Variants in COL5A1 observed in about 807,000 individuals in gnomAD.
The protein encoded by COL5A1 is collagen type V alpha 1 chain.
In COL5A1, 16 loss-of-function variants were observed where a neutral mutation model predicts 263.7. The observed-to-expected ratio is 0.06, with a 90% CI of 0.04 to 0.09. COL5A1 has a LOEUF of 0.09. COL5A1 is among the 10% of genes least tolerant of loss of function. The probability of loss-of-function intolerance (pLI) is 1.00; values close to 1 mark genes in which losing one functional copy is unlikely to be tolerated. For missense variants in COL5A1, 2,036 were observed against 2,540.5 expected (o/e 0.80, Z 4.27); for synonymous variants, 1,012 against 1,004.5 (o/e 1.01, Z -0.14).
In COL5A1 at chr9:134,703,185, G is replaced by A. The variant is rs1256914436; in HGVS notation, c.654+1852G>A. Among the ~76,000 whole-genome samples, 6 of 152,222 alleles carry A rather than the reference G, an allele frequency of 3.9e-5. No homozygotes were observed. In the South Asian group the frequency reaches 8.3e-4, roughly 21 times the overall value. ...CCAGGAAGCTGTAGCCTGGGGCTTC[G>A]GTAGAGCAGGGCGGGTGCTTGGATC... On this transcript the variant is annotated intron_variant, in intron 4 of 65. Transcript: ENST00000371817.
chr9:134,830,391 T>C (rs1839561054), intron 64 of COL5A1: 1 of 608,884 alleles, frequency 1.6e-6, no homozygotes, highest in African/African-American at 1.9e-5. Context: ...AGTAGGCAGA[T>C]GGTTTTCCGT....
intron 62 of COL5A1, among the ~76,000 whole-genome samples, chr9:134,825,292 C>T (rs1425586836): frequency 6.6e-6 from 1 of 152,196 alleles, no homozygotes; most frequent in Admixed American, 6.5e-5. Flanking sequence ...AAACGGCCTT[C>T]AAACTCCGCG....
At chr9:134,747,956 C>T (rs1194873774) in intron 11 of COL5A1, among the ~76,000 whole-genome samples, 4 of 111,778 alleles carry the variant, frequency 3.6e-5, no homozygotes, top group African/African-American at 9.3e-5. Context: ...CACATGCAGA[C>T]ACATGCACAC....
intron 1 of COL5A1, among the ~76,000 whole-genome samples, chr9:134,654,762 G>A (rs1831877321): frequency 6.9e-6 from 1 of 145,960 alleles, no homozygotes. Context: ...GGTGTGTGTA[G>A]GGCTTGTGGT....
At chr9:134,806,352 C>G (rs1254813428) in intron 42 of COL5A1, 56 bp downstream of exon 42, 1 of 1,280,970 alleles carries the variant, frequency 7.8e-7, no homozygotes, top group Non-Finnish European at 1.1e-6. Flanking sequence ...GGGGTCGTTC[C>G]GTGTCTGGCC....
intron 6 of COL5A1, among the ~76,000 whole-genome samples, 178 bp downstream of exon 6, chr9:134,728,985 G>A (rs1564415499): frequency 6.6e-6 from 1 of 152,232 alleles, no homozygotes; most frequent in Admixed American, 6.5e-5. Context: ...GTCACGGGGC[G>A]TATCGGGCTT....
At chr9:134,747,744 C>G (rs574506264) in intron 11 of COL5A1, among the ~76,000 whole-genome samples, 4 of 151,246 alleles carry the variant, frequency 2.6e-5, no homozygotes, top group African/African-American at 9.8e-5. Context: ...CACATGCAAA[C>G]ACATGCACAC....
intron 11 of COL5A1, among the ~76,000 whole-genome samples, chr9:134,747,978 CACACATGCATTCACACACACAT>C (rs1249107340): frequency 6.6e-5 from 10 of 151,980 alleles, no homozygotes; most frequent in Non-Finnish European, 5.9e-5. Flanking sequence ...TGCATTCACA[CACACATGCATTCACACACACAT>C]ACACATGCAT....
In COL5A1 at chr9:134,805,143, C is replaced by A. The variant is rs199557977; in HGVS notation, c.3205-18C>A. ...CTCTCCCCACGTGCCCTTGACCAAC[C>A]TTTTCATGGCTTTGCAGGGAGCTCT... On this transcript the variant is annotated intron_variant, in intron 40 of 65. Transcript: ENST00000371817. 8.1e-6 allele frequency: 13 copies of A among 1,613,912 alleles called. No homozygotes were observed. In the African/African-American group the frequency reaches 1.3e-4, roughly 17 times the overall value.
intron 1 of COL5A1, among the ~76,000 whole-genome samples, chr9:134,670,831 GGTGATGGAGTGGACA>G (rs1832518842): frequency 6.6e-6 from 1 of 152,186 alleles, no homozygotes; most frequent in Non-Finnish European, 1.5e-5. Flanking sequence ...TCCCCACTGC[GGTGATGGAGTGGACA>G]GCTCTGTCTG....
Position 134,794,322 on chromosome 9 carries a change from TAAAAA to T in COL5A1, c.2701-749_2701-745del, listed in dbSNP as rs59916977. 7.1e-6 allele frequency among the ~76,000 whole-genome samples: 1 copy of T among 140,870 alleles called. No individual in the cohort carries two copies. Among genetic ancestry groups the T allele is most frequent in the African/African-American group, 2.6e-5 (1 of 38,044 alleles). 92.4% of individuals were successfully genotyped at this position (140,870 alleles called of 152,430 possible). On this transcript the variant is annotated intron_variant, in intron 32 of 65. Coordinates refer to ENST00000371817, the MANE Select transcript of COL5A1 (RefSeq NM_000093.5). The surrounding 1 kb of genome is among the most constrained non-coding windows in gnomAD (Gnocchi z 4.3). ...CCTGGCGGCAGAGCAAGACTCTGTC[TAAAAA>T]AAAAAAAAAAGAAACAAAAAAGAAA...
At chr9:134,835,262 TC>T in intron 65 of COL5A1, 58 bp downstream of exon 65, 1 of 1,478,934 alleles carries the variant, frequency 6.8e-7, no homozygotes, top group Non-Finnish European at 9.3e-7. Flanking sequence ...GGCTCGCTCC[TC>T]ACTCAGCACG....
chr9:134,762,758 G>A (rs1836504700), intron 19 of COL5A1, among the ~76,000 whole-genome samples: 2 of 152,174 alleles, frequency 1.3e-5, no homozygotes, highest in South Asian at 4.1e-4. Context: ...CAGCTTTCAG[G>A]CTGACATGGA....
At chr9:134,654,439 GTGTGTAGGGCTGGT>G (rs1831841413) in intron 1 of COL5A1, among the ~76,000 whole-genome samples, 1 of 112,006 alleles carries the variant, frequency 8.9e-6, no homozygotes, top group Non-Finnish European at 1.8e-5. Flanking sequence ...AGGGCTGGAG[GTGTGTAGGGCTGGT>G]GTGTGTAGGG....
intron 65 of COL5A1, among the ~76,000 whole-genome samples, chr9:134,836,308 G>T (rs1339056919): frequency 6.6e-6 from 1 of 152,188 alleles, no homozygotes; most frequent in Non-Finnish European, 1.5e-5. Flanking sequence ...AAGCGAGGGG[G>T]TGCCAGGCCC....
In COL5A1 at chr9:134,822,086, G is replaced by T. The variant is rs2132874427; in HGVS notation, c.4555-11G>T. 1 of 1,613,678 alleles carries T rather than the reference G, an allele frequency of 6.2e-7. No homozygotes were observed. The highest frequency in any genetic ancestry group is 8.5e-7 in the Non-Finnish European group (1 of 1,179,690). ...TGAAGGTGATAACCTGCATTTTCTG[G>T]TCCTTTTCAGGGTATCACTGGTCCT... On this transcript the variant is annotated splice_polypyrimidine_tract_variant and intron_variant, in intron 58 of 65. Transcript: ENST00000371817.
At chr9:134,808,883 G>A in intron 42 of COL5A1, 1 of 476,970 alleles carries the variant, frequency 2.1e-6, no homozygotes, top group South Asian at 2.1e-5. Flanking sequence ...TGGCCGGCTG[G>A]ATTTGGATCC....
At chr9:134,667,836 G>A (rs1832406639) in intron 1 of COL5A1, among the ~76,000 whole-genome samples, 2 of 152,232 alleles carry the variant, frequency 1.3e-5, no homozygotes, top group Admixed American at 1.3e-4. Flanking sequence ...TAGAAAAGGA[G>A]CTGAAATCCC....
chr9:134,790,632 A>ATCCATCCT (rs1282531579), intron 32 of COL5A1, among the ~76,000 whole-genome samples: 7 of 137,290 alleles, frequency 5.1e-5, no homozygotes, highest in African/African-American at 1.9e-4. Flanking sequence ...CCATCCATCC[A>ATCCATCCT]TCCATCCATC....
Sources: gnomAD v4.1 joint callset for allele counts (sites outside exome capture counted in the v4.1 genomes callset) on GRCh38, gnomAD v4.1.1 for gene constraint, Gnocchi (gnomAD v3.1) non-coding constraint, MANE v1.5 for transcripts, NCBI Gene and HGNC (gene_info 2026-07-23, HGNC 2026-07-21) for gene names.